The following BPTF variants were observed in gnomAD, a reference collection of about 807,000 sequenced individuals.
The protein encoded by BPTF is bromodomain PHD finger transcription factor, also known as nucleosome-remodeling factor subunit BPTF.
In BPTF, 18 loss-of-function variants were observed where a neutral mutation model predicts 292.5. That is an observed-to-expected ratio of 0.06 (90% CI 0.04 to 0.09). The LOEUF (loss-of-function observed/expected upper bound fraction) is 0.09. BPTF is among the 10% of genes least tolerant of loss of function. BPTF has a pLI of 1.00. For missense variants in BPTF, 2,726 were observed against 3,498.7 expected (o/e 0.78, Z 5.57); for synonymous variants, 1,225 against 1,251.9 (o/e 0.98, Z 0.45).
intron 15 of BPTF, among the ~76,000 whole-genome samples, chr17:67,926,630 T>G (rs2147371601): frequency 6.6e-6 from 1 of 152,296 alleles, no homozygotes; most frequent in South Asian, 2.1e-4. Flanking sequence ...AGCCAGTATA[T>G]TACTTTAAAA....
At chr17:67,942,355 A>C (rs2065446197) in intron 19 of BPTF, among the ~76,000 whole-genome samples, 1 of 152,182 alleles carries the variant, frequency 6.6e-6, no homozygotes, top group East Asian at 1.9e-4. Flanking sequence ...CATTATGAGG[A>C]AAGAAGAAAT....
At position 67,878,456 on chromosome 17, in the gene BPTF, A is replaced by C. The variant is rs1290416617; in HGVS notation, c.1864+3436A>C. 2.6e-5 allele frequency among the ~76,000 whole-genome samples: 4 copies of C among 152,172 alleles called. 1 individual carries two copies. In the East Asian group the frequency reaches 7.7e-4, roughly 29 times the overall value. ...GCTGGTTTATGCTCATCTTTGGTAG[A>C]TACTGCTAAACAGTTTTCCACAGGG... On this transcript the variant is annotated intron_variant, in intron 4 of 27. Transcript: ENST00000306378.
At chr17:67,961,607 G>A (rs2067495675) in intron 24 of BPTF, among the ~76,000 whole-genome samples, 1 of 152,150 alleles carries the variant, frequency 6.6e-6, no homozygotes, top group Non-Finnish European at 1.5e-5. Flanking sequence ...AGCACTTTGG[G>A]AGGCCGAAGT....
intron 15 of BPTF, among the ~76,000 whole-genome samples, chr17:67,925,594 T>G (rs936224408): frequency 5.9e-5 from 9 of 152,194 alleles, no homozygotes; most frequent in African/African-American, 2.2e-4. Flanking sequence ...TACCACTTAT[T>G]CCTATTGAGA....
chr17:67,922,218 TG>T (rs1413203275), intron 13 of BPTF, among the ~76,000 whole-genome samples: 2 of 152,224 alleles, frequency 1.3e-5, no homozygotes, highest in Non-Finnish European at 2.9e-5. Flanking sequence ...ATTCAGGTCC[TG>T]CTTTCATTTC....
chr17:67,963,361 A>G, intron 24 of BPTF: 1 of 1,535,432 alleles, frequency 6.5e-7, no homozygotes, highest in Non-Finnish European at 8.7e-7. Flanking sequence ...TCTTTGTACT[A>G]ACTGGTATCA....
chr17:67,872,086 G>GA (rs1164210308), intron 3 of BPTF, among the ~76,000 whole-genome samples: 3 of 152,088 alleles, frequency 2.0e-5, no homozygotes. Flanking sequence ...TCGGCCTCCT[G>GA]AAGTGCTGGG....
intron 27 of BPTF, among the ~76,000 whole-genome samples, chr17:67,977,116 T>G (rs1270896520): frequency 1.3e-5 from 2 of 152,208 alleles, no homozygotes; most frequent in Non-Finnish European, 2.9e-5. Flanking sequence ...AAAATGATTG[T>G]CAGCCTAGAA....
Position 67,903,831 on chromosome 17 carries a change from A to G in BPTF, c.2586A>G (p.Lys862=). 2 of 1,591,560 alleles carry G rather than the reference A, an allele frequency of 1.3e-6. No homozygotes were observed. Among genetic ancestry groups the G allele is most frequent in the Non-Finnish European group, 1.7e-6 (2 of 1,172,090 alleles). Residue 862 remains lysine (K), a synonymous_variant, in exon 8 of 28, where the codon AAA becomes AAG. Coordinates refer to ENST00000306378, the MANE Select transcript of BPTF (RefSeq NM_182641.4). The stretch of plus-strand genomic sequence containing the variant: ...CAATTGAAAGAGAAGAAAAGGAGAA[A>G]GTCAAAAAAAAAGAGAAGAAACAGG... ...MTSIEREEKE[K]VKKKEKKQEE...
At chr17:67,929,618 T>G in intron 17 of BPTF, 131 bp downstream of exon 17, 1 of 1,102,628 alleles carries the variant, frequency 9.1e-7, no homozygotes, top group Non-Finnish European at 1.3e-6. Flanking sequence ...GAGTACTGAT[T>G]TGGAAAAAAA....
At chr17:67,852,356 G>C (rs1598249373) in intron 1 of BPTF, among the ~76,000 whole-genome samples, 1 of 151,988 alleles carries the variant, frequency 6.6e-6, no homozygotes, top group East Asian at 1.9e-4. Flanking sequence ...AAAGAAATTA[G>C]TCTTCTTTTC....
intron 2 of BPTF, among the ~76,000 whole-genome samples, chr17:67,857,785 T>TC (rs2058799736): frequency 8.9e-6 from 1 of 112,062 alleles, no homozygotes; most frequent in African/African-American, 9.4e-5. Flanking sequence ...TTTCTTTCTT[T>TC]TTTTTTTTTT....
At chr17:67,878,033 C>G (rs1384522850) in intron 4 of BPTF, among the ~76,000 whole-genome samples, 1 of 152,174 alleles carries the variant, frequency 6.6e-6, no homozygotes, top group Non-Finnish European at 1.5e-5. Flanking sequence ...GTTACCATAT[C>G]GTGCCCCCTT....
In BPTF at chr17:67,886,267, A is replaced by G. The variant is rs1197766172; in HGVS notation, c.1865-5577A>G. Reference sequence around the variant, plus strand: ...CTGCTAAGGCAGCTGATGATCCTGAAAATGGAGAAAGAGAATCTCATACAC... The same window carrying G: ...CTGCTAAGGCAGCTGATGATCCTGAGAATGGAGAAAGAGAATCTCATACAC... On this transcript the variant is annotated intron_variant, in intron 4 of 27. Transcript: ENST00000306378. 6 of 1,613,952 alleles carry G rather than the reference A, an allele frequency of 3.7e-6. No individual in the cohort carries two copies. The South Asian group carries it at 6.6e-5, about 18-fold the overall frequency.
Position 67,945,883 on chromosome 17 carries a change from A to G in BPTF, c.7175A>G (p.Gln2392Arg). ...SLQIPSQGQPQSQPQVQSSTQ... is the reference protein window; with the variant it reads ...SLQIPSQGQPRSQPQVQSSTQ... ...CAGATACCTTCCCAAGGCCAGCCAC[A>G]GTCACAACCCCAGGTACAGTCTTCA... The change falls in exon 21 of 28, where the codon CAG (glutamine) becomes CGG (arginine). Residue 2392 changes from glutamine (Q) to arginine (R), a missense_variant. Around this residue, in one of 22 missense-constraint regions of BPTF, gnomAD observed 570 missense variants for 633.5 expected, o/e 0.90. Coordinates refer to ENST00000306378, the MANE Select transcript of BPTF (RefSeq NM_182641.4). The G allele has an allele frequency of 6.2e-7, 1 of 1,614,200 alleles. No homozygotes were observed.
chr17:67,883,171 C>T (rs938439386), intron 4 of BPTF, among the ~76,000 whole-genome samples: 3 of 151,858 alleles, frequency 2.0e-5, no homozygotes, highest in African/African-American at 7.3e-5. Flanking sequence ...ACAAAATTAG[C>T]CGGGCGTGAT....
chr17:67,920,246 A>C (rs2063342980), intron 13 of BPTF, 103 bp downstream of exon 13: 8 of 1,361,338 alleles, frequency 5.9e-6, no homozygotes, highest in Non-Finnish European at 6.0e-6. Context: ...CTTTTAAAAA[A>C]GACATATTTT....
intron 11 of BPTF, 41 bp from the exon 12 acceptor site, chr17:67,918,673 T>G: frequency 6.3e-7 from 1 of 1,575,588 alleles, no homozygotes; most frequent in Non-Finnish European, 8.7e-7. Flanking sequence ...TGTATGTATA[T>G]ACATATAGAT....
At position 67,911,300 on chromosome 17, in the gene BPTF, G is replaced by A. The variant is rs1260811656; in HGVS notation, c.3416G>A (p.Gly1139Glu). The A allele has an allele frequency of 6.2e-7, 1 of 1,614,092 alleles. No homozygotes were observed. The highest frequency in any genetic ancestry group is 1.7e-5 in the Admixed American group (1 of 60,024). The change falls in exon 11 of 28, where the codon GGA (glycine) becomes GAA (glutamate). Residue 1139 changes from glycine (G) to glutamate (E), a missense_variant. Gly to Glu is a moderately conservative substitution (Grantham distance 98). Coordinates refer to ENST00000306378, the MANE Select transcript of BPTF (RefSeq NM_182641.4). Reference protein sequence around the residue: ...NNDQPEDLIQGCSESDSSVLR... With the variant: ...NNDQPEDLIQECSESDSSVLR... ...GATCAACCTGAGGACTTGATTCAGG[G>A]ATGTTCAGAAAGTGATTCCTCAGTT...
Sources: allele counts gnomAD v4.1 joint callset (sites outside exome capture counted in the v4.1 genomes callset), GRCh38; gene constraint gnomAD v4.1.1; regional missense constraint gnomAD v4.1.1; transcripts MANE v1.5; gene names NCBI Gene and HGNC (gene_info 2026-07-23, HGNC 2026-07-21).